The following EYA1 variants were observed in gnomAD, a reference collection of about 807,000 sequenced individuals.
EYA1 encodes the protein EYA transcriptional coactivator and phosphatase 1.
EYA1 carries 16 observed loss-of-function variants against 82.0 expected under a neutral mutation model. The observed-to-expected ratio is 0.20, with a 90% CI of 0.13 to 0.30. The LOEUF (loss-of-function observed/expected upper bound fraction) is 0.30. Among genes scored for constraint, EYA1 ranks in the 10% least tolerant of loss-of-function variants. The pLI is 1.00. For synonymous variants in EYA1, 261 were observed against 264.4 expected (o/e 0.99, Z 0.12); for missense variants, 633 against 730.7 (o/e 0.87, Z 1.54).
intron 2 of EYA1, among the ~76,000 whole-genome samples, chr8:71,525,863 C>T (rs1477184165): frequency 6.6e-6 from 1 of 152,164 alleles, no homozygotes; most frequent in Non-Finnish European, 1.5e-5. Flanking sequence ...AAAACCTTGG[C>T]TCCAGGCAAT....
At chr8:71,517,264 T>C (rs1304534343) in intron 2 of EYA1, among the ~76,000 whole-genome samples, 1 of 152,046 alleles carries the variant, frequency 6.6e-6, no homozygotes, top group African/African-American at 2.4e-5. Flanking sequence ...CAAACATCAT[T>C]TGAGTTGCTC....
intron 11 of EYA1, among the ~76,000 whole-genome samples, chr8:71,265,421 T>C (rs1488019214): frequency 1.3e-5 from 2 of 152,246 alleles, no homozygotes; most frequent in Non-Finnish European, 2.9e-5. Context: ...TACACTATCT[T>C]AAGTGTTCAT....
chr8:71,474,129 A>G (rs1166242874), intron 2 of EYA1, among the ~76,000 whole-genome samples: 4 of 151,480 alleles, frequency 2.6e-5, no homozygotes, highest in African/African-American at 7.3e-5. Context: ...GCAAACCACC[A>G]TGGCACATGT....
chr8:71,350,466 T>C (rs938153345), intron 3 of EYA1, among the ~76,000 whole-genome samples: 4 of 152,194 alleles, frequency 2.6e-5, no homozygotes, highest in African/African-American at 9.6e-5. Context: ...AAATTTTAAA[T>C]GCAGAAAATT....
chr8:71,516,572 A>AT (rs1169855817), intron 2 of EYA1, among the ~76,000 whole-genome samples: 2 of 152,182 alleles, frequency 1.3e-5, no homozygotes, highest in Non-Finnish European at 2.9e-5. Flanking sequence ...ATAAATGATT[A>AT]TTTATTATAT....
At chr8:71,356,541 T>A in intron 1 of EYA1, 30 bp from the exon 2 acceptor site, 1 of 1,553,756 alleles carries the variant, frequency 6.4e-7, no homozygotes, top group Non-Finnish European at 8.7e-7. Context: ...AATTAGAAGA[T>A]GTTGTTACTC....
At chr8:71,283,498 A>C (rs111843504) in intron 9 of EYA1, among the ~76,000 whole-genome samples, 17 of 151,560 alleles carry the variant, frequency 1.1e-4, no homozygotes, top group Non-Finnish European at 2.2e-4. Flanking sequence ...TGTCTAGAAC[A>C]GTGCCTGGAA....
chr8:71,320,553 T>A (rs1321318471), intron 6 of EYA1, among the ~76,000 whole-genome samples: 1 of 152,196 alleles, frequency 6.6e-6, no homozygotes, highest in African/African-American at 2.4e-5. Flanking sequence ...GAGATAGTTT[T>A]AAAAATTCCA....
At chr8:71,289,754 C>T (rs909268984) in intron 9 of EYA1, among the ~76,000 whole-genome samples, 1 of 152,166 alleles carries the variant, frequency 6.6e-6, no homozygotes, top group African/African-American at 2.4e-5. Flanking sequence ...GTGCTTAGAA[C>T]AATACCTGGC....
At chr8:71,473,519 A>C (rs1226743556) in intron 2 of EYA1, among the ~76,000 whole-genome samples, 1 of 152,232 alleles carries the variant, frequency 6.6e-6, no homozygotes, top group Non-Finnish European at 1.5e-5. Context: ...CATGCCAGTT[A>C]GAATGGTGAT....
At chr8:71,448,919 G>A (rs1247503234) in intron 2 of EYA1, 2 of 166,414 alleles carry the variant, frequency 1.2e-5, no homozygotes, top group Admixed American at 6.5e-5. Context: ...ATGTGTAAAT[G>A]CTAAACATCA....
In EYA1 at chr8:71,216,743, G is replaced by T. The variant is rs1240529273; in HGVS notation, c.1309C>A (p.Arg437Ser). The T allele has an allele frequency of 6.2e-7, 1 of 1,611,862 alleles. No individual in the cohort carries two copies. ...GVDWMRKLAF[R>S]YRRVKEIYNT... ...TAGATCTCTTTTACCCGTCTGTAGC[G>T]GAAGGCCAACTTTCTCATCCAGTCC... Residue 437 changes from arginine to serine, a missense_variant, in exon 14 of 18, where the codon CGC becomes AGC. By Grantham distance (110) the Arg-to-Ser change is moderately radical. Coordinates refer to ENST00000340726, the MANE Select transcript of EYA1 (RefSeq NM_000503.6).
intron 2 of EYA1, among the ~76,000 whole-genome samples, chr8:71,414,311 A>C (rs1483937612): frequency 1.3e-5 from 2 of 152,154 alleles, no homozygotes; most frequent in Non-Finnish European, 2.9e-5. Flanking sequence ...TACGTGTTTC[A>C]TTCCTGAAGG....
chr8:71,461,048 AC>A (rs1462430826), intron 2 of EYA1, among the ~76,000 whole-genome samples: 1 of 152,226 alleles, frequency 6.6e-6, no homozygotes, highest in African/African-American at 2.4e-5. Context: ...TATAATGTTG[AC>A]CAGCACTGTC....
At chr8:71,458,953 G>T (rs1432402561) in intron 2 of EYA1, among the ~76,000 whole-genome samples, 1 of 152,080 alleles carries the variant, frequency 6.6e-6, no homozygotes, top group Non-Finnish European at 1.5e-5. Context: ...AGGGCAGGAG[G>T]GTTCTATGAC....
At chr8:71,267,693 C>T (rs1371209351) in intron 11 of EYA1, among the ~76,000 whole-genome samples, 4 of 152,056 alleles carry the variant, frequency 2.6e-5, no homozygotes, top group Admixed American at 1.3e-4. Context: ...GGACTACAGG[C>T]ACCTGCCACC....
chr8:71,294,551 A>T (rs1399478072), intron 9 of EYA1, among the ~76,000 whole-genome samples: 1 of 152,216 alleles, frequency 6.6e-6, no homozygotes, highest in African/African-American at 2.4e-5. Context: ...TAAAAATTAT[A>T]TATAAGCTTT....
At chr8:71,304,006 T>C (rs897546062) in intron 7 of EYA1, among the ~76,000 whole-genome samples, 3 of 142,512 alleles carry the variant, frequency 2.1e-5, no homozygotes, top group African/African-American at 7.5e-5. Context: ...TATTGTATAA[T>C]GGGAAGTTCT....
chr8:71,375,289 G>C (rs1586579796), intron 2 of EYA1, among the ~76,000 whole-genome samples: 1 of 150,048 alleles, frequency 6.7e-6, no homozygotes, highest in East Asian at 1.9e-4. Flanking sequence ...TTTAAAATGG[G>C]AATACTACCT....
Sources: allele counts gnomAD v4.1 joint callset (sites outside exome capture counted in the v4.1 genomes callset), GRCh38; gene constraint gnomAD v4.1.1; transcripts MANE v1.5; gene names NCBI Gene and HGNC (gene_info 2026-07-23, HGNC 2026-07-21).